The following TMEM145 variants were observed in gnomAD, a reference collection of about 807,000 sequenced individuals.
TMEM145 encodes transmembrane protein 145.
In TMEM145, 46 loss-of-function variants were observed where a neutral mutation model predicts 68.5. The observed-to-expected ratio is 0.67, with a 90% CI of 0.53 to 0.86. The LOEUF is 0.86. Ranked by LOEUF, TMEM145 falls within the 40% of genes least tolerant of loss-of-function variation. The pLI, the probability that TMEM145 is intolerant of heterozygous loss-of-function variation, is 0.00. For synonymous variants in TMEM145, 255 were observed against 280.2 expected (o/e 0.91, Z 0.90); for missense variants, 570 against 645.8 (o/e 0.88, Z 1.27).
At chr19:42,315,143 G>A in intron 6 of TMEM145, 45 bp from the exon 7 acceptor site, 2 of 1,614,108 alleles carry the variant, frequency 1.2e-6, no homozygotes, top group Non-Finnish European at 1.7e-6. Flanking sequence ...CCCACTGAGG[G>A]GACATCCACC....
Position 42,313,476 on chromosome 19 carries a change from G to T in TMEM145, c.100G>T (p.Gly34Cys). ...PPRARAKYVR[G>C]NLSSKEDWVF... is the part of the protein sequence containing the mutation. ...CCGCGCCCGGGCCAAGTACGTGCGG[G>T]GCAACCTCAGTTCCAAGGAGGTGAG... Residue 34 changes from glycine (G) to cysteine (C), a missense_variant, in exon 1 of 15, where the codon GGC (glycine) becomes TGC (cysteine). Gly to Cys is a radical substitution (Grantham distance 159, BLOSUM62 -3). Transcript: ENST00000301204. The surrounding 1 kb of genome is among the most constrained non-coding windows in gnomAD (Gnocchi z 5.1). 2 of 1,340,132 alleles carry T rather than the reference G, an allele frequency of 1.5e-6. No homozygotes were observed. The highest frequency in any genetic ancestry group is 1.9e-6 in the Non-Finnish European group (2 of 1,042,606). The allele number at this position is 1,340,132 out of a possible 1,614,324, so 83.0% of individuals were successfully genotyped here. A position where few individuals can be genotyped will look rare whatever the true frequency, so the allele number is the denominator to read the frequency against.
intron 12 of TMEM145, 71 bp from the exon 13 acceptor site, chr19:42,320,246 G>A: frequency 1.3e-6 from 2 of 1,596,322 alleles, no homozygotes; most frequent in Non-Finnish European, 1.7e-6. Flanking sequence ...TACATGGCAG[G>A]CGAGGTGGGG....
rs745335524 is a variant in TMEM145, at chr19:42,316,927, G to A, written c.864G>A (p.Thr288=). 14 of 1,613,632 alleles carry A rather than the reference G, an allele frequency of 8.7e-6. No individual in the cohort carries two copies. The highest frequency in any genetic ancestry group is 6.6e-5 in the South Asian group (6 of 91,084). The change falls in exon 11 of 15, where the codon ACG becomes ACA. Residue 288 remains threonine, a synonymous_variant. Transcript: ENST00000301204. ...TGTCTGTCTACATGACCCTGTACAC[G>A]CTCACCCATGTGGTGCTGCTCATCT... The part of the protein sequence containing the change: ...VKLSVYMTLY[T]LTHVVLLIYE...
intron 13 of TMEM145, among the ~76,000 whole-genome samples, chr19:42,322,435 G>A (rs1003710078): frequency 2.0e-5 from 3 of 152,172 alleles, no homozygotes; most frequent in Non-Finnish European, 2.9e-5. Context: ...GCTCAGAACG[G>A]CAAGCACAGC....
chr19:42,318,986 A>C (rs1478782500), intron 12 of TMEM145, among the ~76,000 whole-genome samples: 1 of 152,160 alleles, frequency 6.6e-6, no homozygotes, highest in Non-Finnish European at 1.5e-5. Flanking sequence ...CGGGAAGCTG[A>C]AGCAGGAGAA....
At position 42,313,476 on chromosome 19, in the gene TMEM145, G is replaced by A; in HGVS notation, c.100G>A (p.Gly34Ser). 1 of 1,340,132 alleles carries A rather than the reference G, an allele frequency of 7.5e-7. No homozygotes were observed. The allele number at this position is 1,340,132 out of a possible 1,614,324, so 83.0% of individuals were successfully genotyped here. Residue 34 changes from glycine to serine, a missense_variant, in exon 1 of 15, where the codon GGC becomes AGC. Physicochemically the swap from Gly to Ser is moderately conservative, Grantham distance 56 (BLOSUM62 0). Transcript: ENST00000301204. The surrounding 1 kb of genome is among the most constrained non-coding windows in gnomAD (Gnocchi z 5.1). ...PPRARAKYVR[G>S]NLSSKEDWVF... ...CCGCGCCCGGGCCAAGTACGTGCGG[G>A]GCAACCTCAGTTCCAAGGAGGTGAG...
chr19:42,323,894 CCCT>C, intron 14 of TMEM145, 105 bp downstream of exon 14: 1 of 1,023,746 alleles, frequency 9.8e-7, no homozygotes, highest in Non-Finnish European at 1.4e-6. Context: ...GACCCCTGAG[CCCT>C]CCTCCTGCCT....
intron 14 of TMEM145, chr19:42,324,271 C>A: frequency 2.0e-6 from 2 of 985,304 alleles, no homozygotes; most frequent in Non-Finnish European, 2.4e-6. Context: ...CCTGACCCCC[C>A]TCCCAGGCCG....
At chr19:42,315,893 G>A (rs143489564) in intron 8 of TMEM145, among the ~76,000 whole-genome samples, 1,705 of 152,274 alleles carry the variant, frequency 0.011, 17 homozygotes, top group Middle Eastern at 0.051. Context: ...AGCTGGACAT[G>A]GTGGCGTGTG....
In TMEM145 at chr19:42,314,273, A is replaced by T; in HGVS notation, c.122A>T (p.Asp41Val). 6.2e-7 allele frequency: 1 copy of T among 1,613,880 alleles called. No individual in the cohort carries two copies. The highest frequency in any genetic ancestry group is 8.5e-7 in the Non-Finnish European group (1 of 1,179,954). ...YVRGNLSSKE[D>V]WVFLTRFCFL... ...GGTCAGACTGGGCCCCTTTTTCAGG[A>T]CTGGGTGTTCCTGACAAGATTTTGT... The change falls in exon 2 of 15, where the codon GAC (aspartate) becomes GTC (valine). Residue 41 changes from aspartate to valine, a missense_variant and splice_region_variant. Transcript: ENST00000301204.
In TMEM145 at chr19:42,320,444, A is replaced by G. The variant is rs1327474778; in HGVS notation, c.1194+7A>G. 1.2e-6 allele frequency: 2 copies of G among 1,613,570 alleles called. No homozygotes were observed. Among genetic ancestry groups the G allele is most frequent in the Admixed American group, 1.7e-5 (1 of 60,006 alleles). ...CGCCCATGGCGTGTTTCTGGTGAGG[A>G]TGGGCATCTGTGGGGGGTGGAGGGG... On this transcript the variant is annotated splice_region_variant and intron_variant, in intron 13 of 14. Transcript: ENST00000301204.
At chr19:42,319,349 A>G (rs537341240) in intron 12 of TMEM145, among the ~76,000 whole-genome samples, 20 of 152,220 alleles carry the variant, frequency 1.3e-4, no homozygotes, top group Non-Finnish European at 1.3e-4. Flanking sequence ...ATGAGTTTAT[A>G]TACATCAAAT....
Position 42,314,491 on chromosome 19 carries a change from C to T in TMEM145, c.236C>T (p.Pro79Leu), listed in dbSNP as rs1249757671. 6.2e-7 allele frequency: 1 copy of T among 1,614,044 alleles called. No homozygotes were observed. The highest frequency in any genetic ancestry group is 1.3e-5 in the African/African-American group (1 of 74,910). ...CQNILLYFDD[P>L]SQWPAVYKAG... ...AACATCCTCCTCTATTTTGATGACC[C>T]ATCCCAGTGGCCAGCCGTGTACAAG... The change falls in exon 3 of 15, where the codon CCA becomes CTA. Residue 79 changes from proline to leucine, a missense_variant. Pro to Leu is a moderately conservative substitution (Grantham distance 98). Transcript: ENST00000301204.
At chr19:42,324,630 C>G in intron 14 of TMEM145, 107 bp from the exon 15 acceptor site, 5 of 1,228,828 alleles carry the variant, frequency 4.1e-6, no homozygotes, top group Non-Finnish European at 5.1e-6. Context: ...CCGGCCTTCC[C>G]GACCCTTCCC....
In TMEM145 at chr19:42,323,861, C is replaced by A. The variant is rs923637636; in HGVS notation, c.1401+72C>A. ...TGGAGTACCTGACCCCGCTCCCGGCCCCGCCGCCGCCCCCAGCGCCCGGAC... is the reference window on the plus strand; with the variant it reads ...TGGAGTACCTGACCCCGCTCCCGGCACCGCCGCCGCCCCCAGCGCCCGGAC... On this transcript the variant is annotated intron_variant, in intron 14 of 14. Coordinates refer to ENST00000301204, the MANE Select transcript of TMEM145 (RefSeq NM_173633.3). 44 of 1,359,426 alleles carry A rather than the reference C, an allele frequency of 3.2e-5. 1 individual carries two copies. The South Asian group carries it at 5.5e-4, about 17-fold the overall frequency. The allele number at this position is 1,359,426 out of a possible 1,614,324, so 84.2% of individuals were successfully genotyped here. A position where few individuals can be genotyped will look rare whatever the true frequency, so the allele number is the denominator to read the frequency against.
Position 42,316,580 on chromosome 19 carries a change from G to A in TMEM145, c.727+19G>A. 6.2e-7 allele frequency: 1 copy of A among 1,613,676 alleles called. No individual in the cohort carries two copies. Among genetic ancestry groups the A allele is most frequent in the South Asian group, 1.1e-5 (1 of 91,062 alleles). ...ATCTTGGGTGAGAATGAAGCTGGGT[G>A]GGGAGAGGGTGGAGCCCAGGGCTCA... On this transcript the variant is annotated intron_variant, in intron 9 of 14. Coordinates refer to ENST00000301204, the MANE Select transcript of TMEM145 (RefSeq NM_173633.3).
intron 12 of TMEM145, among the ~76,000 whole-genome samples, chr19:42,318,086 C>T (rs772568063): frequency 1.6e-4 from 25 of 152,076 alleles, no homozygotes; most frequent in Non-Finnish European, 3.2e-4. Context: ...AACAGGATCT[C>T]GCCAGGCGTG....
At chr19:42,318,239 G>C (rs2038878725) in intron 12 of TMEM145, among the ~76,000 whole-genome samples, 1 of 151,868 alleles carries the variant, frequency 6.6e-6, no homozygotes, top group Non-Finnish European at 1.5e-5. Context: ...ATGGCAGCAT[G>C]CACCTGTAGT....
chr19:42,314,907 G>A, intron 5 of TMEM145, 56 bp downstream of exon 5: 3 of 1,614,100 alleles, frequency 1.9e-6, no homozygotes, highest in Admixed American at 3.3e-5. Context: ...AGGGGCTGGG[G>A]TGGCCACCTG....
Sources: allele counts gnomAD v4.1 joint callset (sites outside exome capture counted in the v4.1 genomes callset), GRCh38; gene constraint gnomAD v4.1.1; non-coding constraint Gnocchi (gnomAD v3.1); transcripts MANE v1.5; gene names NCBI Gene and HGNC (gene_info 2026-07-23, HGNC 2026-07-21).